Variants in HS6ST3 observed in about 807,000 individuals in gnomAD.
HS6ST3 encodes heparan-sulfate 6-O-sulfotransferase 3.
Under a neutral mutation model 36.7 loss-of-function variants are expected in HS6ST3, and 12 were observed. The ratio of observed to expected loss-of-function variants is 0.33; its 90% confidence interval spans 0.21 to 0.53. The LOEUF is 0.53. HS6ST3 is among the 20% of genes least tolerant of loss of function. HS6ST3 has a pLI of 0.95. For synonymous variants in HS6ST3, 240 were observed against 257.5 expected (o/e 0.93, Z 0.65); for missense variants, 584 against 640.9 (o/e 0.91, Z 0.96).
chr13:96,296,875 A>T (rs2054857488), intron 1 of HS6ST3, among the ~76,000 whole-genome samples: 1 of 152,152 alleles, frequency 6.6e-6, no homozygotes, highest in South Asian at 2.1e-4. Context: ...TTAATTTATT[A>T]ACACAGTTCC....
intron 1 of HS6ST3, among the ~76,000 whole-genome samples, chr13:96,569,854 T>C (rs2056294932): frequency 6.6e-6 from 1 of 152,158 alleles, no homozygotes; most frequent in Non-Finnish European, 1.5e-5. Context: ...CAGGGCTGTG[T>C]TGGCCACTTC....
intron 1 of HS6ST3, among the ~76,000 whole-genome samples, chr13:96,433,468 A>G (rs1304283470): frequency 6.6e-6 from 1 of 152,186 alleles, no homozygotes; most frequent in East Asian, 1.9e-4. Flanking sequence ...ATGGTAGTGA[A>G]TAAGTTTCAG....
intron 1 of HS6ST3, among the ~76,000 whole-genome samples, chr13:96,559,457 T>A (rs7329846): frequency 0.098 from 14,942 of 152,158 alleles, 1,397 homozygotes; most frequent in African/African-American, 0.25. Flanking sequence ...GCTACATATC[T>A]TCCCAATCCC....
intron 1 of HS6ST3, among the ~76,000 whole-genome samples, chr13:96,163,889 T>C (rs895389870): frequency 6.6e-6 from 1 of 152,188 alleles, no homozygotes; most frequent in Non-Finnish European, 1.5e-5. Flanking sequence ...TAGAAGACTT[T>C]AGATATATTA....
intron 1 of HS6ST3, among the ~76,000 whole-genome samples, chr13:96,231,235 T>G (rs2054506587): frequency 6.6e-6 from 1 of 152,302 alleles, no homozygotes; most frequent in Middle Eastern, 3.4e-3. Flanking sequence ...AACATGCAGA[T>G]TTTGATTCAT....
intron 1 of HS6ST3, among the ~76,000 whole-genome samples, chr13:96,711,533 C>A (rs985506487): frequency 6.6e-6 from 1 of 151,978 alleles, no homozygotes; most frequent in African/African-American, 2.4e-5. Context: ...ATACAATGAC[C>A]CACGTCTTTG....
chr13:96,544,835 G>T (rs1336214640), intron 1 of HS6ST3, among the ~76,000 whole-genome samples: 1 of 152,168 alleles, frequency 6.6e-6, no homozygotes, highest in Non-Finnish European at 1.5e-5. Flanking sequence ...ACCAGGAAGT[G>T]ACTTGGGCAC....
rs545552049 is a variant in HS6ST3, at chr13:96,547,172, A to G, written c.708-285318A>G. On this transcript the variant is annotated intron_variant, in intron 1 of 1. Coordinates refer to ENST00000376705, the MANE Select transcript of HS6ST3 (RefSeq NM_153456.4). ...AGATACTGGGAATAGCTTCTCTTTT[A>G]GGGAACAATAAATATTACCTAAAGA... Among the ~76,000 whole-genome samples the G allele has an allele frequency of 1.4e-3, 208 of 152,314 alleles. 3 individuals carry two copies. In the South Asian group the frequency reaches 0.022, roughly 16 times the overall value.
intron 1 of HS6ST3, among the ~76,000 whole-genome samples, chr13:96,608,920 G>T (rs1269411714): frequency 6.6e-6 from 1 of 151,926 alleles, no homozygotes; most frequent in Non-Finnish European, 1.5e-5. Context: ...TTTTGTGTGT[G>T]TGTATGTGTA....
At chr13:96,490,479 G>A (rs932715841) in intron 1 of HS6ST3, among the ~76,000 whole-genome samples, 1 of 152,084 alleles carries the variant, frequency 6.6e-6, no homozygotes, top group Non-Finnish European at 1.5e-5. Context: ...TGATTAAAAT[G>A]AAAAAGTATT....
At chr13:96,618,558 A>G (rs564830779) in intron 1 of HS6ST3, among the ~76,000 whole-genome samples, 134 of 152,314 alleles carry the variant, frequency 8.8e-4, no homozygotes, top group Non-Finnish European at 1.4e-3. Context: ...AAATAATAAT[A>G]TGCTTGAGTC....
chr13:96,826,547 T>C (rs976199249), intron 1 of HS6ST3, among the ~76,000 whole-genome samples: 9 of 152,124 alleles, frequency 5.9e-5, no homozygotes, highest in African/African-American at 2.2e-4. Flanking sequence ...CTGTTACATT[T>C]AAGTTAAAAG....
chr13:96,154,948 A>G (rs1442202009), intron 1 of HS6ST3, among the ~76,000 whole-genome samples: 1 of 152,160 alleles, frequency 6.6e-6, no homozygotes, highest in Non-Finnish European at 1.5e-5. Flanking sequence ...AGAATATAAT[A>G]CAAATGTAGA....
chr13:96,234,693 A>G lies in HS6ST3; in HGVS notation c.707+143124A>G, dbSNP rs751800212. Reference sequence around the variant, plus strand: ...AAAGACCCACCCCCATGGTTCAATTACCTCCCACCATATCCTTCCGATGAT... The same window carrying G: ...AAAGACCCACCCCCATGGTTCAATTGCCTCCCACCATATCCTTCCGATGAT... On this transcript the variant is annotated intron_variant, in intron 1 of 1. Coordinates refer to ENST00000376705, the MANE Select transcript of HS6ST3 (RefSeq NM_153456.4). 3.6e-4 allele frequency among the ~76,000 whole-genome samples: 55 copies of G among 152,050 alleles called. 2 individuals are homozygous for G. Among genetic ancestry groups the G allele is most frequent in the Middle Eastern group, 3.4e-3 (1 of 294 alleles).
At chr13:96,127,295 G>A (rs766184652) in intron 1 of HS6ST3, among the ~76,000 whole-genome samples, 5 of 152,206 alleles carry the variant, frequency 3.3e-5, no homozygotes, top group East Asian at 1.9e-4. Flanking sequence ...TCCATGGACC[G>A]GGAGTGGTTG....
intron 1 of HS6ST3, among the ~76,000 whole-genome samples, chr13:96,395,831 TA>T (rs1453575515): frequency 7.9e-5 from 12 of 151,868 alleles, no homozygotes; most frequent in African/African-American, 2.7e-4. Flanking sequence ...AGGAGTGGTA[TA>T]GGGGATACAA....
At chr13:96,354,866 G>A (rs1462215950) in intron 1 of HS6ST3, among the ~76,000 whole-genome samples, 2 of 152,098 alleles carry the variant, frequency 1.3e-5, no homozygotes, top group Non-Finnish European at 2.9e-5. Context: ...ATTTCCAAGT[G>A]TATGATTCCA....
intron 1 of HS6ST3, among the ~76,000 whole-genome samples, chr13:96,401,751 C>G (rs573484951): frequency 2.6e-5 from 4 of 152,060 alleles, no homozygotes; most frequent in South Asian, 4.2e-4. Context: ...ATTTTTATAT[C>G]TTTCGTAGAG....
chr13:96,254,269 CT>C (rs2054621052), intron 1 of HS6ST3, among the ~76,000 whole-genome samples: 1 of 150,962 alleles, frequency 6.6e-6, no homozygotes. Context: ...CAAAAATTAG[CT>C]GGGCGTGGTG....
Sources: allele counts gnomAD v4.1 joint callset (sites outside exome capture counted in the v4.1 genomes callset), GRCh38; gene constraint gnomAD v4.1.1; transcripts MANE v1.5; gene names NCBI Gene and HGNC (gene_info 2026-07-23, HGNC 2026-07-21).